The following GRK5 variants were observed in gnomAD, a reference collection of about 807,000 sequenced individuals.
GRK5 encodes g protein-coupled receptor kinase GRK5.
GRK5 carries 40 observed loss-of-function variants against 78.4 expected under a neutral mutation model. The observed-to-expected ratio is 0.51, with a 90% CI of 0.40 to 0.66. GRK5 has a LOEUF of 0.66. Among genes scored for constraint, GRK5 ranks in the 30% least tolerant of loss-of-function variants. The probability of loss-of-function intolerance (pLI) is 0.00; values close to 1 mark genes in which losing one functional copy is unlikely to be tolerated. For synonymous variants in GRK5, 289 were observed against 296.8 expected, an observed-to-expected ratio of 0.97 and a Z score of 0.27; for missense variants, 598 against 759.9, an observed-to-expected ratio of 0.79 and a Z score of 2.50.
intron 1 of GRK5, among the ~76,000 whole-genome samples, chr10:119,242,022 C>G (rs1318273245): frequency 2.0e-5 from 3 of 152,082 alleles, no homozygotes; most frequent in Non-Finnish European, 4.4e-5. Context: ...TAAGAGTTGT[C>G]TCAGGTGCTA....
At chr10:119,318,729 A>C (rs985902018) in intron 1 of GRK5, among the ~76,000 whole-genome samples, 1 of 151,772 alleles carries the variant, frequency 6.6e-6, no homozygotes, top group Admixed American at 6.6e-5. Context: ...TGCCCTCCCC[A>C]CAAGCACTGC....
chr10:119,263,660 A>G, intron 1 of GRK5, among the ~76,000 whole-genome samples: 1 of 152,188 alleles, frequency 6.6e-6, no homozygotes, highest in Non-Finnish European at 1.5e-5. Flanking sequence ...GCAGTGGCTC[A>G]TGCCTGTAAT....
At position 119,267,060 on chromosome 10, in the gene GRK5, T is replaced by A. The variant is rs1313024378; in HGVS notation, c.52+59091T>A. Among the ~76,000 whole-genome samples the A allele has an allele frequency of 6.6e-6, 1 of 152,026 alleles. No individual in the cohort carries two copies. Among genetic ancestry groups the A allele is most frequent in the Non-Finnish European group, 1.5e-5 (1 of 67,986 alleles). ...GGAGTTCTAACCAGCCTGACCAACATGGAGAAACCCCATCTCTACTAAAAA... is the reference window on the plus strand; with the variant it reads ...GGAGTTCTAACCAGCCTGACCAACAAGGAGAAACCCCATCTCTACTAAAAA... On this transcript the variant is annotated intron_variant, in intron 1 of 15. Coordinates refer to ENST00000392870, the MANE Select transcript of GRK5 (RefSeq NM_005308.3). This position sits in a 1 kb window ranked among gnomAD's most constrained non-coding sequence, Gnocchi z 4.1.
chr10:119,450,750 G>A (rs970998299), intron 13 of GRK5, among the ~76,000 whole-genome samples: 3 of 152,052 alleles, frequency 2.0e-5, no homozygotes, highest in Non-Finnish European at 4.4e-5. Context: ...CCCGCAAAGC[G>A]CACAGCCTGA....
chr10:119,436,510 C>T (rs758345138), intron 8 of GRK5, 141 bp from the exon 9 acceptor site: 13 of 787,538 alleles, frequency 1.7e-5, no homozygotes, highest in South Asian at 6.8e-5. Flanking sequence ...GCAGGGTCAC[C>T]GCAGAGGCCA....
chr10:119,245,255 C>T (rs552516970), intron 1 of GRK5, among the ~76,000 whole-genome samples: 4 of 151,750 alleles, frequency 2.6e-5, no homozygotes, highest in South Asian at 2.1e-4. Flanking sequence ...TGCAGCCTGG[C>T]GACAGAGCAA....
chr10:119,289,563 G>C (rs552682679), intron 1 of GRK5, among the ~76,000 whole-genome samples: 26 of 152,308 alleles, frequency 1.7e-4, no homozygotes, highest in Admixed American at 1.6e-3. Flanking sequence ...CTGAGGCCCA[G>C]AGAGGGTTGG....
Position 119,418,850 on chromosome 10 carries a change from C to G in GRK5, c.340-4316C>G, listed in dbSNP as rs566308264. Among the ~76,000 whole-genome samples, 22 of 152,314 alleles carry G rather than the reference C, an allele frequency of 1.4e-4. No homozygotes were observed. The South Asian group carries it at 4.6e-3, about 32-fold the overall frequency. On this transcript the variant is annotated intron_variant, in intron 4 of 15. Transcript: ENST00000392870. ...TTTTACCAACGAGCACCACCAAGACCCCTTCCAACCTGGCTGCCTTCACCT... is the reference window on the plus strand; with the variant it reads ...TTTTACCAACGAGCACCACCAAGACGCCTTCCAACCTGGCTGCCTTCACCT...
chr10:119,303,492 C>T (rs1386136131), intron 1 of GRK5, among the ~76,000 whole-genome samples: 2 of 152,046 alleles, frequency 1.3e-5, no homozygotes, highest in African/African-American at 4.8e-5. Context: ...GCAAGGGTCT[C>T]CATGGGCCGG....
intron 1 of GRK5, among the ~76,000 whole-genome samples, chr10:119,297,494 G>T (rs1850103677): frequency 6.6e-6 from 1 of 152,152 alleles, no homozygotes; most frequent in Non-Finnish European, 1.5e-5. Context: ...GAATGTCCCT[G>T]CCAATACTCA....
At chr10:119,252,312 G>A (rs1227515573) in intron 1 of GRK5, among the ~76,000 whole-genome samples, 1 of 152,212 alleles carries the variant, frequency 6.6e-6, no homozygotes. Context: ...GAGCTGTCTT[G>A]TTTCTCCTTT....
At chr10:119,226,226 T>C (rs1848736277) in intron 1 of GRK5, among the ~76,000 whole-genome samples, 2 of 151,548 alleles carry the variant, frequency 1.3e-5, no homozygotes, top group African/African-American at 2.4e-5. Context: ...GATCTGCCCG[T>C]CTCGGCTCCC....
In GRK5 at chr10:119,327,023, T is replaced by C. The variant is rs1050629213; in HGVS notation, c.148+412T>C. 2.0e-5 allele frequency among the ~76,000 whole-genome samples: 3 copies of C among 152,152 alleles called. 1 individual carries two copies. Among genetic ancestry groups the C allele is most frequent in the Admixed American group, 2.0e-4 (3 of 15,284 alleles). On this transcript the variant is annotated intron_variant, in intron 2 of 15. Transcript: ENST00000392870. ...GAGCCACCGCTCATAACTTCTCCCC[T>C]TTCTTCCTGGAGCCTGTGGGTCCTG...
Position 119,264,828 on chromosome 10 carries a change from GT to G in GRK5, c.52+56860del, listed in dbSNP as rs1184445335. Among the ~76,000 whole-genome samples the G allele has an allele frequency of 6.6e-6, 1 of 152,180 alleles. No individual in the cohort carries two copies. The highest frequency in any genetic ancestry group is 1.5e-5 in the Non-Finnish European group (1 of 68,034). On this transcript the variant is annotated intron_variant, in intron 1 of 15. Transcript: ENST00000392870. The surrounding 1 kb of genome is among the most constrained non-coding windows in gnomAD (Gnocchi z 4.1). Reference sequence around the variant, plus strand: ...CCACTCCCTTTTCCTCCTGGCCAGGGTGCCCTGAGTAGCCTTGGCATGACGT... The same window carrying G: ...CCACTCCCTTTTCCTCCTGGCCAGGGGCCCTGAGTAGCCTTGGCATGACGT...
At chr10:119,324,272 A>G (rs1850637075) in intron 1 of GRK5, among the ~76,000 whole-genome samples, 1 of 152,238 alleles carries the variant, frequency 6.6e-6, no homozygotes, top group South Asian at 2.1e-4. Context: ...CCACGGGGCC[A>G]CAGGTGACTT....
intron 1 of GRK5, among the ~76,000 whole-genome samples, chr10:119,228,664 G>A (rs965490294): frequency 6.6e-6 from 1 of 152,104 alleles, no homozygotes; most frequent in African/African-American, 2.4e-5. Flanking sequence ...ATTCTTATTG[G>A]CATGGAGAGA....
At chr10:119,371,522 G>T (rs1456714311) in intron 2 of GRK5, among the ~76,000 whole-genome samples, 1 of 152,240 alleles carries the variant, frequency 6.6e-6, no homozygotes, top group Admixed American at 6.5e-5. Flanking sequence ...TGAAGGAATT[G>T]ACTGGGTTAT....
At chr10:119,237,134 C>T (rs1356640386) in intron 1 of GRK5, among the ~76,000 whole-genome samples, 1 of 141,570 alleles carries the variant, frequency 7.1e-6, no homozygotes, top group Non-Finnish European at 1.5e-5. Context: ...GCGATCTTGG[C>T]TTACTGCAAT....
chr10:119,340,252 A>T (rs2252545), intron 2 of GRK5, among the ~76,000 whole-genome samples: 1 of 151,910 alleles, frequency 6.6e-6, no homozygotes, highest in Non-Finnish European at 1.5e-5. Context: ...TCAGCCTCCC[A>T]AGTAGCTGGG....
Sources: allele counts gnomAD v4.1 joint callset (sites outside exome capture counted in the v4.1 genomes callset), GRCh38; gene constraint gnomAD v4.1.1; non-coding constraint Gnocchi (gnomAD v3.1); transcripts MANE v1.5; gene names NCBI Gene and HGNC (gene_info 2026-07-23, HGNC 2026-07-21).